INPP4A: variants seen among roughly 807,000 people sequenced by gnomAD.
The protein encoded by INPP4A is inositol polyphosphate-4-phosphatase type I A.
In INPP4A, 33 loss-of-function variants were observed where a neutral mutation model predicts 119.8. The ratio of observed to expected loss-of-function variants is 0.28; its 90% CI spans 0.21 to 0.37. The LOEUF (loss-of-function observed/expected upper bound fraction) is 0.37, where lower values mean the gene tolerates loss of function less well. Ranked by LOEUF, INPP4A falls within the 10% of genes least tolerant of loss-of-function variation. The pLI is 1.00. For synonymous variants in INPP4A, 496 were observed against 500.7 expected (o/e 0.99, Z 0.12); for missense variants, 956 against 1,289.9 (o/e 0.74, Z 3.97).
chr2:98,550,111 G>A (rs574907830), intron 13 of INPP4A, among the ~76,000 whole-genome samples: 1 of 152,172 alleles, frequency 6.6e-6, no homozygotes, highest in African/African-American at 2.4e-5. Flanking sequence ...GTTTTGGGTT[G>A]AACCTTGTTC....
chr2:98,453,024 T>C (rs1437154166), intron 1 of INPP4A, among the ~76,000 whole-genome samples: 6 of 152,202 alleles, frequency 3.9e-5, no homozygotes, highest in Non-Finnish European at 7.3e-5. Flanking sequence ...TCAGTGGTGA[T>C]TTTTACCTGT....
chr2:98,480,494 G>A (rs948077762), intron 1 of INPP4A, among the ~76,000 whole-genome samples: 4 of 152,188 alleles, frequency 2.6e-5, no homozygotes, highest in African/African-American at 4.8e-5. Context: ...AAGGACTGTC[G>A]TCATTTTACC....
In INPP4A at chr2:98,554,046, TC is replaced by T. The variant is rs1694031462; in HGVS notation, c.1348-223del. Among the ~76,000 whole-genome samples, 1 of 152,230 alleles carries T rather than the reference TC, an allele frequency of 6.6e-6. No individual in the cohort carries two copies. The highest frequency in any genetic ancestry group is 2.1e-4 in the South Asian group (1 of 4,838). ...TCAGAGATTTCTCAACCTCTTCTCT[TC>T]CTTGGTGGGAAATTCTTGTTAAGAT... On this transcript the variant is annotated intron_variant, in intron 14 of 24. Transcript: ENST00000409851. The surrounding 1 kb of genome is among the most constrained non-coding windows in gnomAD (Gnocchi z 4.7).
At chr2:98,498,136 G>A (rs964927726) in intron 1 of INPP4A, among the ~76,000 whole-genome samples, 1 of 152,122 alleles carries the variant, frequency 6.6e-6, no homozygotes, top group Non-Finnish European at 1.5e-5. Context: ...ATAGGGGCCA[G>A]GGGTGGAATG....
chr2:98,577,303 A>G (rs1452629865), intron 24 of INPP4A, among the ~76,000 whole-genome samples, 160 bp downstream of exon 24: 1 of 152,228 alleles, frequency 6.6e-6, no homozygotes, highest in Non-Finnish European at 1.5e-5. Flanking sequence ...TATTGGCACT[A>G]TCAAATTCAG....
chr2:98,563,408 G>A (rs754906111), intron 17 of INPP4A, 57 bp from the exon 18 acceptor site: 2 of 1,518,110 alleles, frequency 1.3e-6, no homozygotes, highest in Non-Finnish European at 1.8e-6. Context: ...TAAATTGCCA[G>A]AACCTAATTC....
intron 1 of INPP4A, among the ~76,000 whole-genome samples, chr2:98,509,741 A>G (rs1684777446): frequency 6.6e-6 from 1 of 152,200 alleles, no homozygotes. Flanking sequence ...GATTGTGAGC[A>G]CCTGTTTTGC....
rs182259211 is a variant in INPP4A at position 98,570,384 on chromosome 2, A to T, written c.2518+1716A>T. On this transcript the variant is annotated intron_variant, in intron 22 of 24. Transcript: ENST00000409851. This position sits in a 1 kb window ranked among gnomAD's most constrained non-coding sequence, Gnocchi z 4.3. ...AGAGAGAGCATCACAGGCTAGCAGG[A>T]AGAAGGCAGGAGCCAGGAGGGTGTG... 2.0e-5 allele frequency among the ~76,000 whole-genome samples: 3 copies of T among 152,278 alleles called. No individual in the cohort carries two copies. In the East Asian group the frequency reaches 5.8e-4, roughly 29 times the overall value.
intron 13 of INPP4A, among the ~76,000 whole-genome samples, chr2:98,550,206 C>G (rs944033383): frequency 3.3e-5 from 5 of 152,130 alleles, no homozygotes; most frequent in South Asian, 2.1e-4. Context: ...CCGTCTCCCC[C>G]CTGCTCCCCA....
intron 24 of INPP4A, among the ~76,000 whole-genome samples, chr2:98,580,472 C>T (rs1368258205): frequency 6.6e-6 from 1 of 152,244 alleles, no homozygotes; most frequent in Admixed American, 6.5e-5. Context: ...GAGATTCACA[C>T]ATTTGGCCAC....
intron 1 of INPP4A, among the ~76,000 whole-genome samples, chr2:98,448,495 GT>G (rs1398561490): frequency 6.6e-6 from 1 of 151,902 alleles, no homozygotes; most frequent in Non-Finnish European, 1.5e-5. Flanking sequence ...TTTGCATTAA[GT>G]TTTTCTGTCT....
Position 98,555,799 on chromosome 2 carries a change from C to T in INPP4A, c.1813C>T (p.Leu605=), listed in dbSNP as rs1361342464. 6.4e-7 allele frequency: 1 copy of T among 1,560,206 alleles called. No individual in the cohort carries two copies. Among genetic ancestry groups the T allele is most frequent in the Non-Finnish European group, 8.7e-7 (1 of 1,151,536 alleles). Residue 605 remains leucine (L), a synonymous_variant, in exon 16 of 25, where the codon CTG becomes TTG. Coordinates refer to ENST00000409851, the MANE Select transcript of INPP4A (RefSeq NM_001134225.2). ...GCCCTCCACTGCATGCCATCCTCATCTGACCACACGTGCGTATGCATCCAT... is the reference window on the plus strand; with the variant it reads ...GCCCTCCACTGCATGCCATCCTCATTTGACCACACGTGCGTATGCATCCAT... ...TMPSTACHPH[L]TTHCSPPPEE... is the part of the protein sequence containing the mutation.
intron 1 of INPP4A, among the ~76,000 whole-genome samples, chr2:98,505,053 C>G (rs1204961861): frequency 6.6e-6 from 1 of 152,236 alleles, no homozygotes; most frequent in Non-Finnish European, 1.5e-5. Context: ...TCCCAAAGCT[C>G]TGTTAGCATG....
At chr2:98,467,215 G>T (rs1292727504) in intron 1 of INPP4A, among the ~76,000 whole-genome samples, 2 of 152,160 alleles carry the variant, frequency 1.3e-5, no homozygotes, top group Non-Finnish European at 2.9e-5. Context: ...CACCCTCAAA[G>T]CGGGGGGTGG....
chr2:98,543,180 G>T (rs1353961702), intron 10 of INPP4A, among the ~76,000 whole-genome samples: 1 of 152,208 alleles, frequency 6.6e-6, no homozygotes, highest in East Asian at 1.9e-4. Context: ...GAAGGAAGAA[G>T]AATCAGAGGT....
chr2:98,515,581 G>A (rs1434980752), intron 1 of INPP4A, among the ~76,000 whole-genome samples: 1 of 152,158 alleles, frequency 6.6e-6, no homozygotes, highest in African/African-American at 2.4e-5. Context: ...GAGCATCCGT[G>A]ACCTCATCCG....
chr2:98,567,311 G>A (rs1474747931), intron 21 of INPP4A, among the ~76,000 whole-genome samples: 1 of 152,162 alleles, frequency 6.6e-6, no homozygotes, highest in East Asian at 1.9e-4. Flanking sequence ...GGCTGGGGCT[G>A]AGTGGGAGGA....
At chr2:98,572,684 C>G (rs1290458992) in intron 22 of INPP4A, 131 bp from the exon 23 acceptor site, 1 of 607,882 alleles carries the variant, frequency 1.6e-6, no homozygotes, top group Non-Finnish European at 2.9e-6. Context: ...CCAAACACCT[C>G]CATCCCTTCT....
chr2:98,517,434 G>A (rs1202179741), intron 1 of INPP4A, among the ~76,000 whole-genome samples: 3 of 152,148 alleles, frequency 2.0e-5, no homozygotes, highest in Non-Finnish European at 4.4e-5. Flanking sequence ...GAGACGGCCA[G>A]TTTTCCAGCG....
Sources: allele counts gnomAD v4.1 joint callset (sites outside exome capture counted in the v4.1 genomes callset), GRCh38; gene constraint gnomAD v4.1.1; non-coding constraint Gnocchi (gnomAD v3.1); transcripts MANE v1.5; gene names NCBI Gene and HGNC (gene_info 2026-07-23, HGNC 2026-07-21).